EHMT1: variants seen among roughly 807,000 people sequenced by gnomAD.
The protein encoded by EHMT1 is histone-lysine N-methyltransferase EHMT1.
In EHMT1, 15 loss-of-function variants were observed where a neutral mutation model predicts 147.2. The ratio of observed to expected loss-of-function variants is 0.10; its 90% CI spans 0.07 to 0.16. The LOEUF (loss-of-function observed/expected upper bound fraction) is 0.16. EHMT1 is among the 10% of genes least tolerant of loss of function. The probability of loss-of-function intolerance (pLI) is 1.00; values close to 1 mark genes in which losing one functional copy is unlikely to be tolerated. For synonymous variants in EHMT1, 795 were observed against 709.6 expected, an observed-to-expected ratio of 1.12 and a Z score of -1.91; for missense variants, 1,587 against 1,772.4, an observed-to-expected ratio of 0.90 and a Z score of 1.88.
At chr9:137,815,176 A>G (rs1013570939) in intron 22 of EHMT1, 4 of 165,062 alleles carry the variant, frequency 2.4e-5, no homozygotes, top group Non-Finnish European at 4.0e-5. Context: ...CTGGAAGCAG[A>G]CTTTGGAGGA....
chr9:137,806,112 A>G (rs1953927415), intron 18 of EHMT1, among the ~76,000 whole-genome samples: 1 of 151,810 alleles, frequency 6.6e-6, no homozygotes, highest in South Asian at 2.1e-4. Flanking sequence ...GGCACATGGC[A>G]CCACGCCTGG....
chr9:137,757,227 T>A (rs1440427671), intron 8 of EHMT1, among the ~76,000 whole-genome samples: 1 of 152,218 alleles, frequency 6.6e-6, no homozygotes, highest in Non-Finnish European at 1.5e-5. Flanking sequence ...CACAGAAGTG[T>A]TTGCACCCCC....
chr9:137,826,547 G>A (rs760670700), intron 25 of EHMT1, among the ~76,000 whole-genome samples: 3 of 152,208 alleles, frequency 2.0e-5, no homozygotes, highest in African/African-American at 4.8e-5. Flanking sequence ...GTTTCTCACA[G>A]TGCTGGAGGC....
In EHMT1 at chr9:137,763,373, T is replaced by C. The variant is rs11137207; in HGVS notation, c.1647+553T>C. The C allele has an allele frequency of 1.2e-3, 233 of 190,952 alleles. 2 individuals carry two copies. Among genetic ancestry groups the C allele is most frequent in the African/African-American group, 5.2e-3 (224 of 43,158 alleles). 11.8% of individuals were successfully genotyped at this position (190,952 alleles called of 1,614,324 possible). On this transcript the variant is annotated intron_variant, in intron 10 of 26. Transcript: ENST00000460843. Reference sequence around the variant, plus strand: ...ATTTCTCCAGTTCTTTTTAACACGATTTCTTTCAGCCCTCAGAGCCTCGTG... The same window carrying C: ...ATTTCTCCAGTTCTTTTTAACACGACTTCTTTCAGCCCTCAGAGCCTCGTG...
chr9:137,783,560 T>C (rs1951726353), intron 15 of EHMT1, among the ~76,000 whole-genome samples: 1 of 152,250 alleles, frequency 6.6e-6, no homozygotes, highest in African/African-American at 2.4e-5. Flanking sequence ...GTGATTCTCG[T>C]TTATATTTAA....
At chr9:137,827,092 TCTC>T (rs1341624345) in intron 25 of EHMT1, among the ~76,000 whole-genome samples, 4 of 152,132 alleles carry the variant, frequency 2.6e-5, no homozygotes, top group African/African-American at 4.8e-5. Flanking sequence ...TGTGCTTCCT[TCTC>T]CTGTCTGGAG....
chr9:137,745,462 C>G (rs1948463280), intron 6 of EHMT1: 1 of 398,514 alleles, frequency 2.5e-6, no homozygotes, highest in South Asian at 1.3e-4. Flanking sequence ...TTTTTCTCCT[C>G]TTATATGAAG....
intron 4 of EHMT1, among the ~76,000 whole-genome samples, chr9:137,735,911 TAC>T (rs1201728229): frequency 3.3e-5 from 5 of 152,222 alleles, no homozygotes; most frequent in African/African-American, 1.2e-4. Flanking sequence ...CATGAAGCCC[TAC>T]CAGGTGTACC....
At chr9:137,773,250 G>A (rs1189747878) in intron 10 of EHMT1, among the ~76,000 whole-genome samples, 2 of 152,214 alleles carry the variant, frequency 1.3e-5, no homozygotes, top group Non-Finnish European at 2.9e-5. Context: ...TTCAAAGTCA[G>A]TAGGTACAAG....
intron 3 of EHMT1, among the ~76,000 whole-genome samples, chr9:137,720,168 G>A (rs1588353180): frequency 1.3e-5 from 2 of 150,756 alleles, no homozygotes; most frequent in East Asian, 2.0e-4. Flanking sequence ...TCGAGGTGCC[G>A]AACCCCCTTC....
intron 1 of EHMT1, among the ~76,000 whole-genome samples, chr9:137,709,735 C>G (rs1366052530): frequency 6.6e-6 from 1 of 152,206 alleles, no homozygotes; most frequent in Non-Finnish European, 1.5e-5. Flanking sequence ...AGCTGTCTGA[C>G]TGGCTGCTCC....
At chr9:137,668,779 T>G (rs1940022729) in intron 1 of EHMT1, among the ~76,000 whole-genome samples, 1 of 152,190 alleles carries the variant, frequency 6.6e-6, no homozygotes, top group Admixed American at 6.5e-5. Flanking sequence ...TGAACATTCA[T>G]GTACGAGTTT....
chr9:137,743,684 A>G (rs944931492), intron 5 of EHMT1, among the ~76,000 whole-genome samples, 156 bp downstream of exon 5: 3 of 152,002 alleles, frequency 2.0e-5, no homozygotes, highest in Non-Finnish European at 4.4e-5. Flanking sequence ...CGTGTCCAAG[A>G]TCATTGTGGG....
intron 1 of EHMT1, chr9:137,666,980 G>A (rs1249297919): frequency 6.6e-6 from 1 of 152,272 alleles, no homozygotes; most frequent in Non-Finnish European, 1.5e-5. Flanking sequence ...TCGAACAAAA[G>A]GGTGGGGGAT....
intron 2 of EHMT1, among the ~76,000 whole-genome samples, chr9:137,712,350 G>T (rs555760485): frequency 6.6e-6 from 1 of 152,102 alleles, no homozygotes; most frequent in African/African-American, 2.4e-5. Flanking sequence ...GCTGAGCCAC[G>T]GCCTCTCCAC....
intron 10 of EHMT1, among the ~76,000 whole-genome samples, chr9:137,771,964 T>C (rs1950613841): frequency 6.6e-6 from 1 of 152,004 alleles, no homozygotes; most frequent in Admixed American, 6.6e-5. Context: ...TTCCCACAGC[T>C]GAGGAAAGGC....
At chr9:137,824,432 G>T (rs1955669013) in intron 25 of EHMT1, among the ~76,000 whole-genome samples, 1 of 151,986 alleles carries the variant, frequency 6.6e-6, no homozygotes, top group African/African-American at 2.4e-5. Flanking sequence ...GAGCCAGGTA[G>T]TGTTAGGTCC....
intron 25 of EHMT1, among the ~76,000 whole-genome samples, chr9:137,819,772 C>T (rs953605992): frequency 6.6e-6 from 1 of 151,946 alleles, no homozygotes; most frequent in Non-Finnish European, 1.5e-5. Context: ...CAGACACGTC[C>T]CTTGTGTCCC....
At chr9:137,655,084 C>T (rs1233644262) in intron 1 of EHMT1, among the ~76,000 whole-genome samples, 2 of 152,102 alleles carry the variant, frequency 1.3e-5, no homozygotes, top group African/African-American at 4.8e-5. Flanking sequence ...CTGCAACCTC[C>T]TCCTCTCAGG....
Sources: gnomAD v4.1 joint callset for allele counts (sites outside exome capture counted in the v4.1 genomes callset) on GRCh38, gnomAD v4.1.1 for gene constraint, MANE v1.5 for transcripts, NCBI Gene and HGNC (gene_info 2026-07-23, HGNC 2026-07-21) for gene names.